Variants in OTP observed in about 807,000 individuals in gnomAD.
The protein encoded by OTP is homeobox protein orthopedia.
OTP carries 5 observed loss-of-function variants against 22.3 expected under a neutral mutation model. The ratio of observed to expected loss-of-function variants is 0.22; its 90% CI spans 0.12 to 0.47. The LOEUF is 0.47. Among genes scored for constraint, OTP ranks in the 20% least tolerant of loss-of-function variants. The probability of loss-of-function intolerance (pLI) is 0.99; values close to 1 mark genes in which losing one functional copy is unlikely to be tolerated. For synonymous variants in OTP, 229 were observed against 210.6 expected (o/e 1.09, Z -0.76); for missense variants, 428 against 456.2 (o/e 0.94, Z 0.56).
In OTP at chr5:77,630,634, T is replaced by A; in HGVS notation, c.608A>T (p.His203Leu). The change falls in exon 3 of 3, where the codon CAC becomes CTC. Residue 203 changes from histidine (H) to leucine (L), a missense_variant. Around this residue, in one of 3 missense-constraint regions of OTP, gnomAD observed 236 missense variants for 238.1 expected, o/e 0.99. Coordinates refer to ENST00000306422, the MANE Select transcript of OTP (RefSeq NM_032109.3). Reference sequence around the variant, plus strand: ...CGCCGCCCAGCGGGTGTCGTTGGCGTGGAAAGAGCACAGGCTGTCGCCCAT... The same window carrying A: ...CGCCGCCCAGCGGGTGTCGTTGGCGAGGAAAGAGCACAGGCTGTCGCCCAT... ...AAMGDSLCSFHANDTRWAAAA... is the reference protein window; with the variant it reads ...AAMGDSLCSFLANDTRWAAAA... 6.4e-7 allele frequency: 1 copy of A among 1,565,308 alleles called. No individual in the cohort carries two copies. Among genetic ancestry groups the A allele is most frequent in the Non-Finnish European group, 8.6e-7 (1 of 1,163,232 alleles).
Position 77,630,610 on chromosome 5 carries a change from G to T in OTP, c.632C>A (p.Ala211Glu). 6.4e-7 allele frequency: 1 copy of T among 1,552,100 alleles called. No homozygotes were observed. Among genetic ancestry groups the T allele is most frequent in the East Asian group, 2.4e-5 (1 of 41,738 alleles). ...SFHANDTRWA[A>E]AAMPGVSQLP... ...CTGTGACACGCCAGGCATGGCGGCC[G>T]CCGCCCAGCGGGTGTCGTTGGCGTG... is the stretch of plus-strand genomic sequence containing the variant. The change falls in exon 3 of 3, where the codon GCG becomes GAG. Residue 211 changes from alanine (A) to glutamate (E), a missense_variant. This residue lies in a region of OTP where 236 missense variants were observed against 238.1 expected (regional missense o/e 0.99). Coordinates refer to ENST00000306422, the MANE Select transcript of OTP (RefSeq NM_032109.3).
chr5:77,630,482 T>A lies in OTP; in HGVS notation c.760A>T (p.Asn254Tyr). Residue 254 changes from asparagine (N) to tyrosine (Y), a missense_variant, in exon 3 of 3, where the codon AAC (asparagine) becomes TAC (tyrosine). Around this residue, in one of 3 missense-constraint regions of OTP, gnomAD observed 236 missense variants for 238.1 expected, o/e 0.99. Transcript: ENST00000306422. ...GPPPNSMGLS[N>Y]SLAGSNGAGL... Reference sequence around the variant, plus strand: ...GCGCCGTTGGAACCCGCCAGGCTGTTGGACAGGCCCATGGAGTTGGGCGGC... The same window carrying A: ...GCGCCGTTGGAACCCGCCAGGCTGTAGGACAGGCCCATGGAGTTGGGCGGC... 6.3e-7 allele frequency: 1 copy of A among 1,593,786 alleles called. No individual in the cohort carries two copies. The highest frequency in any genetic ancestry group is 8.5e-7 in the Non-Finnish European group (1 of 1,172,046).
At position 77,638,617 on chromosome 5, in the gene OTP, A is replaced by ATATAAGC. The variant is rs545105263; in HGVS notation, c.-75_-69dup. On this transcript the variant is annotated 5_prime_UTR_variant, in exon 1 of 3. Coordinates refer to ENST00000306422, the MANE Select transcript of OTP (RefSeq NM_032109.3). The stretch of plus-strand genomic sequence containing the variant: ...AGCGGCTTTAAGTTATTTAAAATAG[A>ATATAAGC]TATAAGCTATAAGCTATACGATATA... 5 of 1,394,160 alleles carry ATATAAGC rather than the reference A, an allele frequency of 3.6e-6. No homozygotes were observed. Among genetic ancestry groups the ATATAAGC allele is most frequent in the Non-Finnish European group, 4.8e-6 (5 of 1,036,722 alleles). The allele number at this position is 1,394,160 out of a possible 1,614,324, so 86.4% of individuals were successfully genotyped here. A position where few individuals can be genotyped will look rare whatever the true frequency, so the allele number is the denominator to read the frequency against.
chr5:77,629,075 C>T lies in OTP; in HGVS notation c.*1189G>A, dbSNP rs1032939880. ...GCTGCCAGCAGGTGGCCGAGGGGCA[C>T]GAGGGACGACAGGACCACCACAAAA... On this transcript the variant is annotated 3_prime_UTR_variant, in exon 3 of 3. Transcript: ENST00000306422. 6.6e-6 allele frequency: 1 copy of T among 152,484 alleles called. No homozygotes were observed. Among genetic ancestry groups the T allele is most frequent in the Non-Finnish European group, 1.5e-5 (1 of 68,038 alleles). The allele number at this position is 152,484 out of a possible 1,614,324, so 9.4% of individuals were successfully genotyped here.
chr5:77,631,031 C>T (rs1744921227), intron 2 of OTP, among the ~76,000 whole-genome samples: 1 of 152,216 alleles, frequency 6.6e-6, no homozygotes, highest in African/African-American at 2.4e-5. Flanking sequence ...CCTAAGAGCT[C>T]GTGCCCCGAA....
At position 77,628,840 on chromosome 5, in the gene OTP, A is replaced by C. The variant is rs916679556; in HGVS notation, c.*1424T>G. 23 of 152,676 alleles carry C rather than the reference A, an allele frequency of 1.5e-4. No homozygotes were observed. The highest frequency in any genetic ancestry group is 5.5e-4 in the African/African-American group (23 of 41,472). 9.5% of individuals were successfully genotyped at this position (152,676 alleles called of 1,614,324 possible). A position where few individuals can be genotyped will look rare whatever the true frequency, so the allele number is the denominator to read the frequency against. ...TAAGAAAACCGAATTCCATAAATAA[A>C]CACAGACATTAAGTTAAAACATATC... On this transcript the variant is annotated 3_prime_UTR_variant, in exon 3 of 3. Coordinates refer to ENST00000306422, the MANE Select transcript of OTP (RefSeq NM_032109.3).
chr5:77,630,933 GC>G, intron 2 of OTP, 139 bp from the exon 3 acceptor site: 1 of 984,472 alleles, frequency 1.0e-6, no homozygotes, highest in Non-Finnish European at 1.4e-6. Flanking sequence ...GGCCCGACAA[GC>G]CCCCATACCC....
At chr5:77,638,067 T>C (rs1745037089) in intron 1 of OTP, among the ~76,000 whole-genome samples, 1 of 151,756 alleles carries the variant, frequency 6.6e-6, no homozygotes, top group African/African-American at 2.4e-5. Context: ...CAGCAGCTTC[T>C]CCTTTATGCC....
chr5:77,638,215 T>C (rs1745039323), intron 1 of OTP, among the ~76,000 whole-genome samples: 1 of 103,644 alleles, frequency 9.6e-6, no homozygotes. Context: ...GAGAAACACC[T>C]CCTAACAAAT....
At position 77,635,408 on chromosome 5, in the gene OTP, T is replaced by C. The variant is rs1744991244; in HGVS notation, c.447+1413A>G. 3.3e-5 allele frequency among the ~76,000 whole-genome samples: 5 copies of C among 152,330 alleles called. No individual in the cohort carries two copies. In the South Asian group the frequency reaches 8.3e-4, roughly 25 times the overall value. On this transcript the variant is annotated intron_variant, in intron 2 of 2. Coordinates refer to ENST00000306422, the MANE Select transcript of OTP (RefSeq NM_032109.3). ...AGTTACACAATTAGTACTCTTTTGG[T>C]GTGTCGTTTTAAAAGACCATGGTCT...
rs553167442 is a variant in OTP, at chr5:77,630,122, G to C, written c.*142C>G. The C allele has an allele frequency of 1.6e-5, 6 of 385,714 alleles. No homozygotes were observed. In the South Asian group the frequency reaches 7.2e-4, roughly 46 times the overall value. 23.9% of individuals were successfully genotyped at this position (385,714 alleles called of 1,614,324 possible). A position where few individuals can be genotyped will look rare whatever the true frequency, so the allele number is the denominator to read the frequency against. ...TTGGGGTGAGCCCGAGCGAGTGGAG[G>C]AGAGAGGCGAGGACGAAACGAGACG... On this transcript the variant is annotated 3_prime_UTR_variant, in exon 3 of 3. Transcript: ENST00000306422.
chr5:77,635,240 T>C (rs1744989116), intron 2 of OTP, among the ~76,000 whole-genome samples: 2 of 152,160 alleles, frequency 1.3e-5, no homozygotes, highest in Non-Finnish European at 2.9e-5. Flanking sequence ...ACCTGCAAAA[T>C]TGAACCTACA....
intron 2 of OTP, among the ~76,000 whole-genome samples, chr5:77,631,629 G>C (rs1489062876): frequency 6.9e-6 from 1 of 145,020 alleles, no homozygotes; most frequent in Non-Finnish European, 1.5e-5. Flanking sequence ...CACGATCTCG[G>C]CTCACTGCAA....
At chr5:77,636,658 G>A in intron 2 of OTP, 163 bp downstream of exon 2, 1 of 652,726 alleles carries the variant, frequency 1.5e-6, no homozygotes, top group Non-Finnish European at 2.6e-6. Context: ...ATGGCGATGG[G>A]GACCAGTTTC....
chr5:77,632,104 A>ATT (rs11331444), intron 2 of OTP, among the ~76,000 whole-genome samples: 24 of 148,208 alleles, frequency 1.6e-4, no homozygotes, highest in African/African-American at 5.7e-4. Flanking sequence ...CAGCCTTCCT[A>ATT]TTTTTTTTTT....
At chr5:77,637,730 C>T (rs1029488859) in intron 1 of OTP, among the ~76,000 whole-genome samples, 1 of 152,172 alleles carries the variant, frequency 6.6e-6, no homozygotes, top group Non-Finnish European at 1.5e-5. Flanking sequence ...CTTTCACCCC[C>T]CGAAATCAAC....
At position 77,636,964 on chromosome 5, in the gene OTP, G is replaced by T. The variant is rs199804262; in HGVS notation, c.304C>A (p.Gln102Lys). The T allele has an allele frequency of 1.9e-4, 312 of 1,614,074 alleles. 4 individuals are homozygous for T. Among genetic ancestry groups the T allele is most frequent in the Non-Finnish European group, 1.1e-5 (13 of 1,179,970 alleles). ...CGCGTCCGGTGGCGCTTCTGCTTCTGTTGGCCCTGCTGCTGGCCGGCTTGG... is the reference window on the plus strand; with the variant it reads ...CGCGTCCGGTGGCGCTTCTGCTTCTTTTGGCCCTGCTGCTGGCCGGCTTGG... ...PSQAGQQQGQ[Q>K]KQKRHRTRFT... The change falls in exon 2 of 3, where the codon CAG becomes AAG. Residue 102 changes from glutamine (Q) to lysine (K), a missense_variant. Physicochemically the swap from Gln to Lys is moderately conservative, Grantham distance 53 (BLOSUM62 1). This residue lies in a region of OTP where 176 missense variants were observed against 162.9 expected (regional missense o/e 1.08). Transcript: ENST00000306422.
At chr5:77,631,246 G>A (rs573537582) in intron 2 of OTP, among the ~76,000 whole-genome samples, 11 of 152,186 alleles carry the variant, frequency 7.2e-5, no homozygotes, top group South Asian at 4.1e-4. Context: ...TTTCAGAAAC[G>A]CTGGAAATTT....
At position 77,637,198 on chromosome 5, in the gene OTP, G is replaced by T; in HGVS notation, c.70C>A (p.Arg24=). ...MKDAAELLGH[R]EAVKCRLGVG... is the part of the protein sequence containing the mutation. Reference sequence around the variant, plus strand: ...CCCAGCCTACACTTCACCGCCTCCCGGTGGCCCAGAAGCTCGGCGGCATCT... The same window carrying T: ...CCCAGCCTACACTTCACCGCCTCCCTGTGGCCCAGAAGCTCGGCGGCATCT... The change falls in exon 2 of 3, where the codon CGG becomes AGG. Residue 24 remains arginine (R), a synonymous_variant. Transcript: ENST00000306422. 3 of 1,543,504 alleles carry T rather than the reference G, an allele frequency of 1.9e-6. No individual in the cohort carries two copies. Among genetic ancestry groups the T allele is most frequent in the Middle Eastern group, 3.8e-4 (2 of 5,320 alleles).
Sources: gnomAD v4.1 joint callset for allele counts (sites outside exome capture counted in the v4.1 genomes callset) on GRCh38, gnomAD v4.1.1 for gene constraint, gnomAD v4.1.1 regional missense constraint, MANE v1.5 for transcripts, NCBI Gene and HGNC (gene_info 2026-07-23, HGNC 2026-07-21) for gene names.